The following SLC30A7 variants were observed in gnomAD, a reference collection of about 807,000 sequenced individuals.
SLC30A7 encodes the protein zinc transporter 7.
Under a neutral mutation model 46.0 loss-of-function variants are expected in SLC30A7, and 35 were observed. The observed-to-expected ratio is 0.76, with a 90% CI of 0.58 to 1.01. SLC30A7 has a LOEUF of 1.01. Among genes scored for constraint, SLC30A7 ranks in the 50% least tolerant of loss-of-function variants. The pLI is 0.00. For synonymous variants in SLC30A7, 147 were observed against 157.8 expected (o/e 0.93, Z 0.51); for missense variants, 464 against 451.1 (o/e 1.03, Z -0.26).
chr1:100,935,528 T>C (rs1012880417), intron 8 of SLC30A7, among the ~76,000 whole-genome samples: 4 of 152,356 alleles, frequency 2.6e-5, no homozygotes, highest in African/African-American at 9.6e-5. Flanking sequence ...TATTTTTGGC[T>C]ATCACCTATG....
At chr1:100,922,600 C>T (rs1306930410) in intron 8 of SLC30A7, among the ~76,000 whole-genome samples, 1 of 152,084 alleles carries the variant, frequency 6.6e-6, no homozygotes, top group Non-Finnish European at 1.5e-5. Flanking sequence ...GAATTATGTC[C>T]GTCTTCCCAT....
At chr1:100,902,468 A>G (rs1233530377) in intron 2 of SLC30A7, among the ~76,000 whole-genome samples, 1 of 152,098 alleles carries the variant, frequency 6.6e-6, no homozygotes, top group Non-Finnish European at 1.5e-5. Flanking sequence ...AAATTTGTTG[A>G]AAAAAAGGAG....
chr1:100,981,772 T>TA (rs1331158484), downstream of SLC30A7: 1 of 152,252 alleles, frequency 6.6e-6, no homozygotes, highest in Non-Finnish European at 1.5e-5. Context: ...AATTGTGTCT[T>TA]ATCAGTTTGA....
chr1:100,985,844 A>G (rs976010534), downstream of SLC30A7, among the ~76,000 whole-genome samples: 4 of 152,230 alleles, frequency 2.6e-5, no homozygotes, highest in Non-Finnish European at 1.5e-5. Flanking sequence ...CAAAATTTAA[A>G]ACGTTTGCTT....
intron 10 of SLC30A7, 108 bp from the exon 11 acceptor site, chr1:100,974,701 CT>C (rs1164881104): frequency 2.7e-6 from 2 of 730,988 alleles, no homozygotes; most frequent in South Asian, 3.9e-5. Context: ...TGATTCTTTT[CT>C]TTTTTTAAAA....
At position 100,917,634 on chromosome 1, in the gene SLC30A7, G is replaced by A. The variant is rs116356951; in HGVS notation, c.656-443G>A. Among the ~76,000 whole-genome samples, 820 of 152,232 alleles carry A rather than the reference G, an allele frequency of 5.4e-3. 2 individuals are homozygous for A. Among genetic ancestry groups the A allele is most frequent in the African/African-American group, 0.019 (798 of 41,548 alleles). ...ATTATTTTTATCTCTTCTGTATCAA[G>A]AGTTTGCCACATTAATCTAGAAGCT... On this transcript the variant is annotated intron_variant, in intron 6 of 10. Coordinates refer to ENST00000357650, the MANE Select transcript of SLC30A7 (RefSeq NM_133496.5).
At chr1:100,902,464 G>C (rs1213664784) in intron 2 of SLC30A7, among the ~76,000 whole-genome samples, 2 of 151,938 alleles carry the variant, frequency 1.3e-5, no homozygotes, top group East Asian at 3.9e-4. Context: ...AAGTAAATTT[G>C]TTGAAAAAAA....
chr1:100,929,832 A>G lies in SLC30A7; in HGVS notation c.842+7991A>G, dbSNP rs538888328. ...AATGAAAAACAGGAGAATGAATATA[A>G]TGTAAGAGTGTGATTTTTTATTTTC... On this transcript the variant is annotated intron_variant, in intron 8 of 10. Coordinates refer to ENST00000357650, the MANE Select transcript of SLC30A7 (RefSeq NM_133496.5). 2.0e-5 allele frequency among the ~76,000 whole-genome samples: 3 copies of G among 152,228 alleles called. No homozygotes were observed. The East Asian group carries it at 5.8e-4, about 29-fold the overall frequency.
At position 100,965,852 on chromosome 1, in the gene SLC30A7, A is replaced by G; in HGVS notation, c.1017A>G (p.Lys339=). 1.2e-6 allele frequency: 2 copies of G among 1,614,072 alleles called. No individual in the cohort carries two copies. The highest frequency in any genetic ancestry group is 1.7e-6 in the Non-Finnish European group (2 of 1,179,926). The change falls in exon 10 of 11, where the codon AAA becomes AAG. Residue 339 remains lysine (K), a synonymous_variant. Coordinates refer to ENST00000357650, the MANE Select transcript of SLC30A7 (RefSeq NM_133496.5). ...LCSDVYVGTL[K]LIVAPDADAR... ...CTGACGTTTATGTTGGGACCTTGAA[A>G]TTAATAGTAGCACCTGATGCTGATG...
chr1:100,915,318 C>T (rs1652468876), intron 6 of SLC30A7, among the ~76,000 whole-genome samples: 1 of 148,302 alleles, frequency 6.7e-6, no homozygotes, highest in Non-Finnish European at 1.5e-5. Context: ...ACACTCTTGG[C>T]AGATTTTTAA....
At chr1:100,915,256 C>CCTTT (rs1311642536) in intron 6 of SLC30A7, among the ~76,000 whole-genome samples, 24 of 23,474 alleles carry the variant, frequency 1.0e-3, no homozygotes, top group South Asian at 7.8e-3. Context: ...TTTCTTTCTT[C>CCTTT]CTTTCTTTCT....
chr1:100,960,649 A>G lies in SLC30A7; in HGVS notation c.843-1179A>G, dbSNP rs111314870. Among the ~76,000 whole-genome samples, 964 of 152,214 alleles carry G rather than the reference A, an allele frequency of 6.3e-3. 14 individuals carry two copies. The highest frequency in any genetic ancestry group is 0.02 in the African/African-American group (835 of 41,534). ...ACCTACAGCTATTATCTGAAGTTTT[A>G]CTTTGAAAATTTTGAAATTCTGTAA... On this transcript the variant is annotated intron_variant, in intron 8 of 10. Transcript: ENST00000357650.
At chr1:100,952,935 T>C (rs944597771) in intron 8 of SLC30A7, among the ~76,000 whole-genome samples, 7 of 152,206 alleles carry the variant, frequency 4.6e-5, no homozygotes, top group African/African-American at 1.7e-4. Context: ...ACTAGTGATA[T>C]GGTTTGGATT....
At position 100,947,656 on chromosome 1, in the gene SLC30A7, T is replaced by C. The variant is rs150083214; in HGVS notation, c.843-14172T>C. Among the ~76,000 whole-genome samples, 183 of 152,334 alleles carry C rather than the reference T, an allele frequency of 1.2e-3. 5 individuals are homozygous for C. The East Asian group carries it at 0.033, about 27-fold the overall frequency. On this transcript the variant is annotated intron_variant, in intron 8 of 10. Coordinates refer to ENST00000357650, the MANE Select transcript of SLC30A7 (RefSeq NM_133496.5). ...ATATTGAGAGTGGGGTGTTAAAGTC[T>C]CCCATTATTATTGTGTTGGAGTCTA... is the stretch of plus-strand genomic sequence containing the variant.
In SLC30A7 at chr1:100,923,612, T is replaced by C. The variant is rs573224605; in HGVS notation, c.842+1771T>C. Among the ~76,000 whole-genome samples, 8 of 152,204 alleles carry C rather than the reference T, an allele frequency of 5.3e-5. No individual in the cohort carries two copies. The South Asian group carries it at 1.7e-3, about 32-fold the overall frequency. On this transcript the variant is annotated intron_variant, in intron 8 of 10. Transcript: ENST00000357650. ...GGGCAACATGGTGAAACCATGTTTCTACAAAAAATTTAAAAATTAGCTGGG... is the reference window on the plus strand; with the variant it reads ...GGGCAACATGGTGAAACCATGTTTCCACAAAAAATTTAAAAATTAGCTGGG...
chr1:100,982,153 A>G (rs1052956351), downstream of SLC30A7, among the ~76,000 whole-genome samples: 6 of 152,346 alleles, frequency 3.9e-5, no homozygotes, highest in Admixed American at 3.9e-4. Flanking sequence ...CTTTTTTAAA[A>G]TAACTTCTTC....
chr1:100,964,262 A>ATGTGT, intron 9 of SLC30A7, among the ~76,000 whole-genome samples: 1 of 148,536 alleles, frequency 6.7e-6, no homozygotes. Flanking sequence ...TATACACAAT[A>ATGTGT]TATGTTATAT....
At chr1:100,919,183 C>T (rs1321647692) in intron 7 of SLC30A7, among the ~76,000 whole-genome samples, 1 of 152,060 alleles carries the variant, frequency 6.6e-6, no homozygotes, top group Admixed American at 6.5e-5. Flanking sequence ...GTTTTACATG[C>T]CAGAGAAAAT....
At chr1:100,906,237 A>AT (rs1651661607) in intron 2 of SLC30A7, among the ~76,000 whole-genome samples, 1 of 152,096 alleles carries the variant, frequency 6.6e-6, no homozygotes, top group Non-Finnish European at 1.5e-5. Flanking sequence ...AGTTCTGCAC[A>AT]TATCTCTTTG....
Sources: allele counts gnomAD v4.1 joint callset (sites outside exome capture counted in the v4.1 genomes callset), GRCh38; gene constraint gnomAD v4.1.1; transcripts MANE v1.5; gene names NCBI Gene and HGNC (gene_info 2026-07-23, HGNC 2026-07-21).